The following GOLIM4 variants were observed in gnomAD, a reference collection of about 807,000 sequenced individuals.
The protein encoded by GOLIM4 is golgi integral membrane protein 4, also known as 130 kDa golgi-localized phosphoprotein.
In GOLIM4, 71 loss-of-function variants were observed where a neutral mutation model predicts 107.4. That is an observed-to-expected ratio of 0.66 (90% CI 0.55 to 0.81). The LOEUF (loss-of-function observed/expected upper bound fraction) is 0.81. Among genes scored for constraint, GOLIM4 ranks in the 30% least tolerant of loss-of-function variants. GOLIM4 has a pLI of 0.00. For synonymous variants in GOLIM4, 327 were observed against 294.8 expected, an observed-to-expected ratio of 1.11 and a Z score of -1.12; for missense variants, 830 against 826.1, an observed-to-expected ratio of 1.00 and a Z score of -0.06.
In GOLIM4 at chr3:168,040,826, A is replaced by T; in HGVS notation, c.644T>A (p.Val215Glu). ...NLLSEHEQLV[V>E]TLEDHKSALA... ...TGCACTCTTGTGGTCTTCCAAAGTCACTACAAGTTGTTCATGCTCGGAGAG... is the reference window on the plus strand; with the variant it reads ...TGCACTCTTGTGGTCTTCCAAAGTCTCTACAAGTTGTTCATGCTCGGAGAG... The change falls in exon 7 of 16, where the codon GTG becomes GAG. Residue 215 changes from valine (V) to glutamate (E), a missense_variant. Physicochemically the swap from Val to Glu is moderately radical, Grantham distance 121. Coordinates refer to ENST00000470487, the MANE Select transcript of GOLIM4 (RefSeq NM_014498.5). 2 of 1,613,496 alleles carry T rather than the reference A, an allele frequency of 1.2e-6. No individual in the cohort carries two copies. The highest frequency in any genetic ancestry group is 1.7e-6 in the Non-Finnish European group (2 of 1,179,454).
chr3:168,085,964 A>G lies in GOLIM4; in HGVS notation c.187+9135T>C, dbSNP rs559776185. ...AGCATACTTGAAGAATTATAGTTAA[A>G]GATTGTATGGATACCTAAGGGGCCT... On this transcript the variant is annotated intron_variant, in intron 1 of 15. Transcript: ENST00000470487. Among the ~76,000 whole-genome samples the G allele has an allele frequency of 1.3e-4, 20 of 152,252 alleles. 1 individual carries two copies. The highest frequency in any genetic ancestry group is 4.3e-4 in the African/African-American group (18 of 41,560).
At chr3:168,049,788 A>G (rs748848601) in intron 1 of GOLIM4, among the ~76,000 whole-genome samples, 1 of 152,062 alleles carries the variant, frequency 6.6e-6, no homozygotes, top group East Asian at 1.9e-4. Context: ...ATGATGGCCA[A>G]CAACCACCAT....
At chr3:168,059,793 G>A (rs1205407723) in intron 1 of GOLIM4, among the ~76,000 whole-genome samples, 1 of 152,102 alleles carries the variant, frequency 6.6e-6, no homozygotes, top group Non-Finnish European at 1.5e-5. Context: ...GATGAGGGCA[G>A]GCCTCACTGA....
chr3:168,064,076 T>C (rs1577556601), intron 1 of GOLIM4, among the ~76,000 whole-genome samples: 1 of 152,186 alleles, frequency 6.6e-6, no homozygotes, highest in Non-Finnish European at 1.5e-5. Flanking sequence ...AAAGGTGAGA[T>C]TGGCATTTGC....
intron 5 of GOLIM4, among the ~76,000 whole-genome samples, chr3:168,043,078 ATC>A (rs777567745): frequency 6.6e-6 from 1 of 152,238 alleles, no homozygotes; most frequent in Non-Finnish European, 1.5e-5. Flanking sequence ...CAGAGATGCT[ATC>A]TGTCTCGCAA....
intron 6 of GOLIM4, 79 bp downstream of exon 6, chr3:168,041,313 T>C (rs1718985723): frequency 1.2e-6 from 1 of 813,120 alleles, no homozygotes; most frequent in Admixed American, 2.0e-5. Flanking sequence ...GCAGGCCAAT[T>C]AGGGAATGAC....
chr3:168,034,860 T>C (rs1486141694), intron 8 of GOLIM4, among the ~76,000 whole-genome samples: 2 of 152,338 alleles, frequency 1.3e-5, no homozygotes, highest in East Asian at 3.9e-4. Context: ...CTGCCATCCA[T>C]GGAAGATGGG....
At chr3:168,050,826 A>G (rs1391208363) in intron 1 of GOLIM4, among the ~76,000 whole-genome samples, 2 of 59,752 alleles carry the variant, frequency 3.3e-5, no homozygotes, top group Non-Finnish European at 7.9e-5. Context: ...AACACCTATA[A>G]TAATAATAAT....
chr3:168,041,477 AT>A lies in GOLIM4; in HGVS notation c.518-4del. ...TTCTCTCAAATTGTATACAGTCTCT[AT>A]TTTAGAAAAAGAAGGATCACACATA... is the stretch of plus-strand genomic sequence containing the variant. On this transcript the variant is annotated splice_region_variant and splice_polypyrimidine_tract_variant and intron_variant, in intron 5 of 15. Coordinates refer to ENST00000470487, the MANE Select transcript of GOLIM4 (RefSeq NM_014498.5). 6.9e-7 allele frequency: 1 copy of A among 1,447,268 alleles called. No homozygotes were observed. Among genetic ancestry groups the A allele is most frequent in the Non-Finnish European group, 9.7e-7 (1 of 1,033,168 alleles). The allele number at this position is 1,447,268 out of a possible 1,614,324, so 89.7% of individuals were successfully genotyped here. A position where few individuals can be genotyped will look rare whatever the true frequency, so the allele number is the denominator to read the frequency against.
chr3:168,036,246 A>C (rs1718645201), intron 8 of GOLIM4, among the ~76,000 whole-genome samples: 1 of 152,252 alleles, frequency 6.6e-6, no homozygotes. Context: ...CCTTTCTCAG[A>C]CATACTAGCA....
chr3:168,088,854 C>G (rs901575095), intron 1 of GOLIM4, among the ~76,000 whole-genome samples: 2 of 152,132 alleles, frequency 1.3e-5, no homozygotes, highest in African/African-American at 4.8e-5. Flanking sequence ...ACTGTCCTTC[C>G]TAAGAAAAGA....
At chr3:168,079,393 T>C (rs376699278) in intron 1 of GOLIM4, among the ~76,000 whole-genome samples, 1 of 152,312 alleles carries the variant, frequency 6.6e-6, no homozygotes, top group African/African-American at 2.4e-5. Context: ...GTGCTTATTC[T>C]TTGAGGTTGG....
intron 1 of GOLIM4, among the ~76,000 whole-genome samples, chr3:168,072,792 A>G (rs1053932119): frequency 3.5e-4 from 53 of 152,130 alleles, no homozygotes; most frequent in African/African-American, 1.2e-3. Context: ...GAAGCTAACA[A>G]CAGCAAATAA....
intron 14 of GOLIM4, among the ~76,000 whole-genome samples, chr3:168,017,814 C>A (rs1244739943): frequency 6.6e-5 from 10 of 151,788 alleles, no homozygotes; most frequent in Non-Finnish European, 1.3e-4. Context: ...TATTGAACTG[C>A]CTCAAAAATT....
At chr3:168,078,028 T>C (rs1312956314) in intron 1 of GOLIM4, among the ~76,000 whole-genome samples, 1 of 152,090 alleles carries the variant, frequency 6.6e-6, no homozygotes, top group Admixed American at 6.5e-5. Context: ...TTCACAAGTA[T>C]AACTAGTATT....
At chr3:168,020,409 C>T (rs59417847) in intron 14 of GOLIM4, among the ~76,000 whole-genome samples, 6,255 of 152,130 alleles carry the variant, frequency 0.041, 417 homozygotes, top group African/African-American at 0.14. Context: ...TGGTGGTGGG[C>T]GGGTGAAGGG....
At chr3:168,065,226 A>G (rs9827262) in intron 1 of GOLIM4, among the ~76,000 whole-genome samples, 6,299 of 152,282 alleles carry the variant, frequency 0.041, 408 homozygotes, top group African/African-American at 0.14. Flanking sequence ...TCATGTTTAT[A>G]GTAAAGGAGA....
At chr3:168,024,773 C>G (rs1224280055) in intron 13 of GOLIM4, among the ~76,000 whole-genome samples, 155 bp downstream of exon 13, 1 of 152,192 alleles carries the variant, frequency 6.6e-6, no homozygotes, top group Non-Finnish European at 1.5e-5. Flanking sequence ...TACCCTCTCT[C>G]TCAGAGTACA....
chr3:168,040,261 G>A (rs73878618), intron 7 of GOLIM4, among the ~76,000 whole-genome samples: 1,799 of 152,270 alleles, frequency 0.012, 34 homozygotes, highest in African/African-American at 0.041. Context: ...TTCTAGGTTT[G>A]AACAAATGGA....
Sources: gnomAD v4.1 joint callset for allele counts (sites outside exome capture counted in the v4.1 genomes callset) on GRCh38, gnomAD v4.1.1 for gene constraint, MANE v1.5 for transcripts, NCBI Gene and HGNC (gene_info 2026-07-23, HGNC 2026-07-21) for gene names.